The following NRXN3 variants were observed in gnomAD, a reference collection of about 807,000 sequenced individuals.
The protein encoded by NRXN3 is neurexin III.
A neutral mutation model predicts 137.6 loss-of-function variants in NRXN3; 32 were observed. The ratio of observed to expected loss-of-function variants is 0.23; its 90% confidence interval spans 0.18 to 0.31. The LOEUF (loss-of-function observed/expected upper bound fraction) is 0.31, where lower values mean the gene tolerates loss of function less well. Ranked by LOEUF, NRXN3 falls within the 10% of genes least tolerant of loss-of-function variation. The pLI is 1.00. For synonymous variants in NRXN3, 798 were observed against 784.5 expected, an observed-to-expected ratio of 1.02 and a Z score of -0.29; for missense variants, 1,574 against 2,062.5, an observed-to-expected ratio of 0.76 and a Z score of 4.59.
At chr14:78,308,483 T>G (rs904226776) in intron 4 of NRXN3, among the ~76,000 whole-genome samples, 8 of 152,140 alleles carry the variant, frequency 5.3e-5, no homozygotes, top group Non-Finnish European at 1.2e-4. Flanking sequence ...TACTTTGACC[T>G]CCTTAGGATG....
chr14:78,782,553 C>T (rs537792369), intron 8 of NRXN3, among the ~76,000 whole-genome samples: 31 of 152,186 alleles, frequency 2.0e-4, no homozygotes, highest in Admixed American at 4.6e-4. Flanking sequence ...ACTGTAGAAA[C>T]AGTTTCACAG....
chr14:79,496,499 G>A (rs372552351), intron 16 of NRXN3, among the ~76,000 whole-genome samples: 1 of 152,130 alleles, frequency 6.6e-6, no homozygotes, highest in East Asian at 1.9e-4. Flanking sequence ...TGAATTGGAA[G>A]GATTTTGCCG....
At chr14:79,306,674 C>G in intron 15 of NRXN3, among the ~76,000 whole-genome samples, 1 of 152,068 alleles carries the variant, frequency 6.6e-6, no homozygotes, top group East Asian at 1.9e-4. Context: ...AAGATGCTAG[C>G]TTTCTACTTT....
intron 15 of NRXN3, among the ~76,000 whole-genome samples, chr14:79,055,648 T>C (rs2099658788): frequency 6.6e-6 from 1 of 152,164 alleles, no homozygotes; most frequent in Non-Finnish European, 1.5e-5. Context: ...TATATTAACA[T>C]TCTAATCTTA....
intron 4 of NRXN3, among the ~76,000 whole-genome samples, chr14:78,578,603 C>G (rs2096960412): frequency 1.3e-5 from 2 of 152,142 alleles, no homozygotes; most frequent in African/African-American, 4.8e-5. Flanking sequence ...GGGATTAGCT[C>G]AAGAATCACC....
intron 6 of NRXN3, among the ~76,000 whole-genome samples, chr14:78,657,289 A>T (rs533193742): frequency 6.6e-6 from 1 of 152,138 alleles, no homozygotes; most frequent in Non-Finnish European, 1.5e-5. Context: ...ACTGAGTTAC[A>T]TGAGTAGGGT....
At chr14:79,504,637 TTTTTTATATATATATATG>T (rs764036453) in intron 16 of NRXN3, among the ~76,000 whole-genome samples, 5,243 of 61,514 alleles carry the variant, frequency 0.085, 336 homozygotes, top group Non-Finnish European at 0.1. Flanking sequence ...TAAAATGAAG[TTTTTTATATATATATATG>T]TATATATATA....
intron 16 of NRXN3, among the ~76,000 whole-genome samples, chr14:79,538,796 TG>T (rs2097241770): frequency 6.6e-6 from 1 of 152,150 alleles, no homozygotes; most frequent in Non-Finnish European, 1.5e-5. Flanking sequence ...TTCTGTAAAA[TG>T]GGGGGAATTC....
At chr14:79,849,699 G>A (rs761225125) in intron 20 of NRXN3, among the ~76,000 whole-genome samples, 10 of 152,126 alleles carry the variant, frequency 6.6e-5, no homozygotes, top group Non-Finnish European at 1.3e-4. Flanking sequence ...CAGTATGGAA[G>A]TTCCTAAATT....
At chr14:79,045,527 C>T (rs1451702159) in intron 15 of NRXN3, among the ~76,000 whole-genome samples, 5 of 152,086 alleles carry the variant, frequency 3.3e-5, no homozygotes, top group Non-Finnish European at 5.9e-5. Flanking sequence ...CCTAAACCAC[C>T]TAGAACAAAG....
intron 6 of NRXN3, among the ~76,000 whole-genome samples, chr14:78,691,470 C>T (rs1263298647): frequency 6.6e-6 from 1 of 152,168 alleles, no homozygotes; most frequent in African/African-American, 2.4e-5. Flanking sequence ...TTTCAGCTTT[C>T]TCTGCTCATT....
At chr14:78,691,129 G>C (rs1379552835) in intron 6 of NRXN3, among the ~76,000 whole-genome samples, 1 of 152,150 alleles carries the variant, frequency 6.6e-6, no homozygotes, top group Admixed American at 6.5e-5. Context: ...GAAGGAGTGA[G>C]AGAAATGCCA....
intron 20 of NRXN3, among the ~76,000 whole-genome samples, chr14:79,856,277 TAGAG>T (rs762883136): frequency 6.6e-5 from 10 of 152,154 alleles, no homozygotes; most frequent in Non-Finnish European, 1.0e-4. Context: ...CGAAGGTTGA[TAGAG>T]AGCAATTTCA....
intron 15 of NRXN3, among the ~76,000 whole-genome samples, chr14:79,454,676 T>C (rs1438029889): frequency 1.3e-5 from 2 of 152,232 alleles, no homozygotes; most frequent in African/African-American, 4.8e-5. Context: ...AAAGGCTATA[T>C]AATTTTGCCA....
rs145598132 is a variant in NRXN3 at position 79,345,583 on chromosome 14, G to A, written c.3263-121638G>A. On this transcript the variant is annotated intron_variant, in intron 15 of 20. Transcript: ENST00000335750. ...TTGAAATAGAATCCCCAGTGTTGGC[G>A]ATGCAGCCTGGCAGGAGGTGATTGG... Among the ~76,000 whole-genome samples, 28 of 152,240 alleles carry A rather than the reference G, an allele frequency of 1.8e-4. No homozygotes were observed. The East Asian group carries it at 4.2e-3, about 23-fold the overall frequency.
chr14:78,694,639 A>G (rs941587658), intron 6 of NRXN3, among the ~76,000 whole-genome samples: 3 of 151,990 alleles, frequency 2.0e-5, no homozygotes, highest in Middle Eastern at 3.2e-3. Context: ...TCTGTACTAC[A>G]TAAGCATGTA....
intron 16 of NRXN3, among the ~76,000 whole-genome samples, chr14:79,624,741 G>A (rs1355792294): frequency 1.3e-5 from 2 of 150,186 alleles, no homozygotes; most frequent in African/African-American, 5.0e-5. Context: ...CTGTTTATTA[G>A]TGTCGACTTA....
At chr14:79,499,098 CA>C (rs1201027201) in intron 16 of NRXN3, among the ~76,000 whole-genome samples, 2 of 152,262 alleles carry the variant, frequency 1.3e-5, no homozygotes, top group East Asian at 3.9e-4. Flanking sequence ...AAAATATAAT[CA>C]GCCTTTATTA....
chr14:79,779,196 C>T (rs2099106421), intron 19 of NRXN3, among the ~76,000 whole-genome samples: 1 of 152,200 alleles, frequency 6.6e-6, no homozygotes, highest in Admixed American at 6.5e-5. Flanking sequence ...TCACCGCAAC[C>T]TCTACCTCCT....
Sources: gnomAD v4.1 joint callset for allele counts (sites outside exome capture counted in the v4.1 genomes callset) on GRCh38, gnomAD v4.1.1 for gene constraint, MANE v1.5 for transcripts, NCBI Gene and HGNC (gene_info 2026-07-23, HGNC 2026-07-21) for gene names.